PRIM2: variants seen among roughly 807,000 people sequenced by gnomAD.
PRIM2 encodes DNA primase subunit 2.
PRIM2 carries 39 observed loss-of-function variants against 67.3 expected under a neutral mutation model. The observed-to-expected ratio is 0.58, with a 90% confidence interval of 0.45 to 0.76. The LOEUF (loss-of-function observed/expected upper bound fraction) is 0.76. PRIM2 is among the 30% of genes least tolerant of loss of function. The pLI is 0.00. For synonymous variants in PRIM2, 143 were observed against 198.7 expected, an observed-to-expected ratio of 0.72 and a Z score of 2.36; for missense variants, 398 against 598.7, an observed-to-expected ratio of 0.66 and a Z score of 3.50.
chr6:57,474,253 C>T (rs1422603468), intron 7 of PRIM2, among the ~76,000 whole-genome samples: 2 of 103,046 alleles, frequency 1.9e-5, no homozygotes, highest in Admixed American at 3.1e-4. Context: ...TGGCTCACTG[C>T]AAGCTCCGCC....
At chr6:57,573,752 A>T (rs1466690057) in intron 10 of PRIM2, among the ~76,000 whole-genome samples, 6 of 152,218 alleles carry the variant, frequency 3.9e-5, no homozygotes, top group African/African-American at 1.4e-4. Flanking sequence ...ATAGCATAGG[A>T]AAACAAATAT....
At chr6:57,577,075 G>T (rs1318555988) in intron 10 of PRIM2, among the ~76,000 whole-genome samples, 7 of 152,080 alleles carry the variant, frequency 4.6e-5, no homozygotes, top group Non-Finnish European at 8.8e-5. Context: ...CATATTTTAA[G>T]CAAATTAAAA....
At chr6:57,454,429 T>G (rs534233221) in intron 7 of PRIM2, among the ~76,000 whole-genome samples, 1 of 152,158 alleles carries the variant, frequency 6.6e-6, no homozygotes, top group Admixed American at 6.5e-5. Flanking sequence ...GACTTTTTTT[T>G]GCTTGGTAAG....
intron 7 of PRIM2, among the ~76,000 whole-genome samples, chr6:57,456,272 G>T (rs1772776244): frequency 6.6e-6 from 1 of 152,162 alleles, no homozygotes. Flanking sequence ...TCTTGGAGTT[G>T]CTCTTCTCGA....
chr6:57,476,896 A>G (rs1427937823), intron 7 of PRIM2, among the ~76,000 whole-genome samples: 1 of 152,162 alleles, frequency 6.6e-6, no homozygotes, highest in African/African-American at 2.4e-5. Context: ...TACAGGCATG[A>G]GCCACCATGC....
chr6:57,479,143 C>T (rs1159503163), intron 7 of PRIM2, among the ~76,000 whole-genome samples: 1 of 151,656 alleles, frequency 6.6e-6, no homozygotes, highest in African/African-American at 2.4e-5. Context: ...CAAAACTCCA[C>T]CTAAAAAAAG....
the PRIM2 span, among the ~76,000 whole-genome samples, chr6:57,238,011 G>T: frequency 3.3e-5 from 5 of 152,086 alleles, no homozygotes; most frequent in African/African-American, 1.2e-4. Context: ...AAGAAGAGCT[G>T]ACTATCCTAA....
chr6:57,587,285 G>A (rs1326077917), intron 10 of PRIM2, among the ~76,000 whole-genome samples: 40 of 152,294 alleles, frequency 2.6e-4, no homozygotes, highest in Admixed American at 2.4e-3. Context: ...TTAGTAAATC[G>A]TTGGGGCATA....
At chr6:57,284,856 A>T in the PRIM2 span, among the ~76,000 whole-genome samples, 32 of 152,314 alleles carry the variant, frequency 2.1e-4, no homozygotes, top group African/African-American at 7.5e-4. Flanking sequence ...TTTTGCAAAG[A>T]TTAACAAAAA....
intron 5 of PRIM2, among the ~76,000 whole-genome samples, chr6:57,339,935 G>T (rs1768410512): frequency 1.3e-5 from 2 of 150,888 alleles, no homozygotes; most frequent in Non-Finnish European, 3.0e-5. Context: ...CAAAATGGGA[G>T]AAAATTTTCG....
At chr6:57,554,111 C>CA (rs1775460469) in intron 10 of PRIM2, among the ~76,000 whole-genome samples, 1 of 151,630 alleles carries the variant, frequency 6.6e-6, no homozygotes, top group East Asian at 1.9e-4. Context: ...ATAAAGGATG[C>CA]AATTTGAATA....
chr6:57,456,085 C>A (rs1319692331), intron 7 of PRIM2, among the ~76,000 whole-genome samples: 3 of 152,004 alleles, frequency 2.0e-5, no homozygotes, highest in South Asian at 2.1e-4. Flanking sequence ...GTTGAAAATT[C>A]TTTTCTTTAA....
chr6:57,267,295 A>C, the PRIM2 span, among the ~76,000 whole-genome samples: 1 of 152,120 alleles, frequency 6.6e-6, no homozygotes, highest in Non-Finnish European at 1.5e-5. Flanking sequence ...TGGGACAAGA[A>C]TTTGGGTGAA....
At chr6:57,556,517 C>T (rs1299561318) in intron 10 of PRIM2, among the ~76,000 whole-genome samples, 65 of 152,104 alleles carry the variant, frequency 4.3e-4, no homozygotes, top group East Asian at 3.5e-3. Flanking sequence ...TCAACAAAGC[C>T]GACAAAAGCA....
intron 7 of PRIM2, among the ~76,000 whole-genome samples, chr6:57,420,184 C>T (rs1020510845): frequency 6.6e-6 from 1 of 152,136 alleles, no homozygotes; most frequent in Non-Finnish European, 1.5e-5. Flanking sequence ...ATTAGTTCCT[C>T]TTTTGAGCCT....
At chr6:57,327,397 GTAGAAGACATATCCAC>G (rs991559388) in intron 5 of PRIM2, among the ~76,000 whole-genome samples, 5 of 152,216 alleles carry the variant, frequency 3.3e-5, no homozygotes, top group African/African-American at 1.2e-4. Flanking sequence ...TGTCTGACAA[GTAGAAGACATATCCAC>G]TGTAGCAAGG....
At chr6:57,426,235 A>G (rs1275571339) in intron 7 of PRIM2, among the ~76,000 whole-genome samples, 1 of 152,170 alleles carries the variant, frequency 6.6e-6, no homozygotes, top group East Asian at 1.9e-4. Context: ...GCTTTTTGTA[A>G]TCATTCATCT....
chr6:57,286,308 T>G, the PRIM2 span, among the ~76,000 whole-genome samples: 1 of 152,196 alleles, frequency 6.6e-6, no homozygotes, highest in African/African-American at 2.4e-5. Flanking sequence ...AAGACAATGC[T>G]AAGCAAAAAG....
In PRIM2 at chr6:57,646,606, G is replaced by GT. The variant is rs1777339593; in HGVS notation, c.*449dup. 1 of 153,214 alleles carries GT rather than the reference G, an allele frequency of 6.5e-6. No homozygotes were observed. Among genetic ancestry groups the GT allele is most frequent in the African/African-American group, 2.4e-5 (1 of 41,362 alleles). The allele number at this position is 153,214 out of a possible 1,614,324, so 9.5% of individuals were successfully genotyped here. A position where few individuals can be genotyped will look rare whatever the true frequency, so the allele number is the denominator to read the frequency against. On this transcript the variant is annotated 3_prime_UTR_variant, in exon 14 of 14. Transcript: ENST00000615550. ...CACTTATTAGGAAAGGAGGTTTGAG[G>GT]TAACAACAGAGACTTTCACTATATT...
Sources: allele counts gnomAD v4.1 joint callset (sites outside exome capture counted in the v4.1 genomes callset), GRCh38; gene constraint gnomAD v4.1.1; transcripts MANE v1.5; gene names NCBI Gene and HGNC (gene_info 2026-07-23, HGNC 2026-07-21).